The following AXDND1 variants were observed in gnomAD, a reference collection of about 807,000 sequenced individuals.
AXDND1 encodes the protein axonemal dynein light chain domain containing 1.
Under a neutral mutation model 137.5 loss-of-function variants are expected in AXDND1, and 110 were observed. The ratio of observed to expected loss-of-function variants is 0.80; its 90% CI spans 0.69 to 0.94. The LOEUF (loss-of-function observed/expected upper bound fraction) is 0.94. AXDND1 is among the 40% of genes least tolerant of loss of function. The probability of loss-of-function intolerance (pLI) is 0.00; values close to 1 mark genes in which losing one functional copy is unlikely to be tolerated. For synonymous variants in AXDND1, 414 were observed against 399.7 expected, an observed-to-expected ratio of 1.04 and a Z score of -0.43; for missense variants, 1,191 against 1,169.8, an observed-to-expected ratio of 1.02 and a Z score of -0.26.
At chr1:179,456,260 G>A (rs750225296) in intron 16 of AXDND1, 25 of 736,666 alleles carry the variant, frequency 3.4e-5, no homozygotes, top group Non-Finnish European at 5.4e-5. Context: ...TGCTGCTACT[G>A]GAACCTCCAT....
At chr1:179,396,630 T>A (rs1410976088) in intron 11 of AXDND1, among the ~76,000 whole-genome samples, 1 of 151,204 alleles carries the variant, frequency 6.6e-6, no homozygotes, top group Non-Finnish European at 1.5e-5. Flanking sequence ...CACTCTAGCC[T>A]GGGCGACAGA....
chr1:179,500,420 AAG>A (rs1244102904), intron 20 of AXDND1, among the ~76,000 whole-genome samples: 5 of 150,792 alleles, frequency 3.3e-5, no homozygotes, highest in African/African-American at 1.2e-4. Flanking sequence ...AAACATGAAA[AAG>A]GTAATATTTA....
chr1:179,461,310 C>A (rs548355523), intron 16 of AXDND1, among the ~76,000 whole-genome samples: 1 of 152,272 alleles, frequency 6.6e-6, no homozygotes, highest in South Asian at 2.1e-4. Flanking sequence ...AATAGGGAAT[C>A]CTTTCCCCAT....
chr1:179,378,528 C>T, intron 4 of AXDND1, 109 bp from the exon 5 acceptor site: 2 of 808,612 alleles, frequency 2.5e-6, no homozygotes, highest in Non-Finnish European at 1.8e-6. Flanking sequence ...GTTTTGCTGA[C>T]ACAGAGGACC....
chr1:179,379,203 A>G (rs1056253790), intron 5 of AXDND1, among the ~76,000 whole-genome samples, 194 bp from the exon 6 acceptor site: 1 of 152,124 alleles, frequency 6.6e-6, no homozygotes, highest in African/African-American at 2.4e-5. Flanking sequence ...ATTTATGGTT[A>G]TTTTAGAGAT....
chr1:179,393,984 G>A lies in AXDND1; in HGVS notation c.945G>A (p.Met315Ile), dbSNP rs760320063. ...FYKDLVTQRV[M>I]DQRILEELYN... ...AAGACTTGGTAACTCAGCGAGTGAT[G>A]GACCAGCGCATTTTAGAAGAATTGT... Residue 315 changes from methionine to isoleucine, a missense_variant, in exon 10 of 26, where the codon ATG becomes ATA. Transcript: ENST00000367618. 1.9e-6 allele frequency: 3 copies of A among 1,610,818 alleles called. No individual in the cohort carries two copies. The African/African-American group carries it at 4.0e-5, about 22-fold the overall frequency.
intron 16 of AXDND1, among the ~76,000 whole-genome samples, chr1:179,460,106 A>T (rs1289243532): frequency 1.3e-5 from 2 of 149,754 alleles, no homozygotes; most frequent in African/African-American, 4.9e-5. Flanking sequence ...GGTTTGTTAC[A>T]TGTGTATACA....
At chr1:179,372,696 T>A (rs1449431933) in intron 4 of AXDND1, among the ~76,000 whole-genome samples, 1 of 152,140 alleles carries the variant, frequency 6.6e-6, no homozygotes, top group African/African-American at 2.4e-5. Context: ...TATTATTATT[T>A]TTGAGAGATG....
At chr1:179,411,007 C>A in intron 11 of AXDND1, 139 bp from the exon 12 acceptor site, 1 of 604,864 alleles carries the variant, frequency 1.7e-6, no homozygotes, top group Non-Finnish European at 2.7e-6. Flanking sequence ...ATATATTCAG[C>A]AATTATACCA....
At chr1:179,394,416 C>A (rs1423447683) in intron 10 of AXDND1, among the ~76,000 whole-genome samples, 2 of 151,934 alleles carry the variant, frequency 1.3e-5, no homozygotes, top group African/African-American at 2.4e-5. Context: ...TGGTGAAACC[C>A]CATCTCTACT....
chr1:179,477,142 AT>A (rs561941840), intron 17 of AXDND1, among the ~76,000 whole-genome samples: 19 of 151,404 alleles, frequency 1.3e-4, no homozygotes, highest in African/African-American at 4.4e-4. Context: ...GTGATTTTAA[AT>A]TTTTTTCAGT....
chr1:179,551,172 C>A, intron 25 of AXDND1: 1 of 1,613,974 alleles, frequency 6.2e-7, no homozygotes, highest in Non-Finnish European at 8.5e-7. Flanking sequence ...CCCCATCCTT[C>A]CTATAACATG....
chr1:179,375,107 AAT>A (rs1491274929), intron 4 of AXDND1, among the ~76,000 whole-genome samples: 2 of 148,868 alleles, frequency 1.3e-5, no homozygotes, highest in East Asian at 2.0e-4. Context: ...ATAAAAAAAA[AAT>A]TTTTTTTAAG....
rs115480528 is a variant in AXDND1, at chr1:179,447,698, A to T, written c.1798+2494A>T. 477 of 1,344,086 alleles carry T rather than the reference A, an allele frequency of 3.5e-4. 4 individuals are homozygous for T. The African/African-American group carries it at 6.0e-3, about 17-fold the overall frequency. The allele number at this position is 1,344,086 out of a possible 1,614,324, so 83.3% of individuals were successfully genotyped here. ...TTACTGCCACCTGGTGGAGGGGGAG[A>T]CTTTGTAGGCATGACTTTACCTAAA... On this transcript the variant is annotated intron_variant, in intron 16 of 25. Coordinates refer to ENST00000367618, the MANE Select transcript of AXDND1 (RefSeq NM_144696.6).
At chr1:179,447,668 C>G (rs1192174941) in intron 16 of AXDND1, 12 of 1,353,980 alleles carry the variant, frequency 8.9e-6, no homozygotes, top group Middle Eastern at 5.0e-4. Flanking sequence ...CTGTTCATTC[C>G]AAGATTACTG....
intron 21 of AXDND1, among the ~76,000 whole-genome samples, chr1:179,510,425 G>A (rs897058581): frequency 4.7e-5 from 7 of 147,988 alleles, no homozygotes; most frequent in Non-Finnish European, 1.0e-4. Flanking sequence ...AGAAGGGGAA[G>A]GTTCTATCTA....
chr1:179,403,974 T>G (rs1652525801), intron 11 of AXDND1, among the ~76,000 whole-genome samples: 1 of 152,208 alleles, frequency 6.6e-6, no homozygotes, highest in South Asian at 2.1e-4. Flanking sequence ...GTAGTTAATT[T>G]TATTCAACTA....
At chr1:179,369,052 ATAT>A in intron 3 of AXDND1, 80 bp downstream of exon 3, 1 of 1,325,020 alleles carries the variant, frequency 7.5e-7, no homozygotes, top group Admixed American at 2.3e-5. Flanking sequence ...TATTATGCAC[ATAT>A]TATATATTCC....
intron 12 of AXDND1, among the ~76,000 whole-genome samples, chr1:179,414,374 T>A (rs1185128486): frequency 6.6e-6 from 1 of 152,010 alleles, no homozygotes; most frequent in South Asian, 2.1e-4. Context: ...AGAACAATAA[T>A]CAATATTGTA....
Sources: allele counts gnomAD v4.1 joint callset (sites outside exome capture counted in the v4.1 genomes callset), GRCh38; gene constraint gnomAD v4.1.1; transcripts MANE v1.5; gene names NCBI Gene and HGNC (gene_info 2026-07-23, HGNC 2026-07-21).